The following RABEP1 variants were observed in gnomAD, a reference collection of about 807,000 sequenced individuals.
The protein encoded by RABEP1 is rabaptin, RAB GTPase binding effector protein 1.
RABEP1 carries 51 observed loss-of-function variants against 123.4 expected under a neutral mutation model. That is an observed-to-expected ratio of 0.41 (90% CI 0.33 to 0.52). The LOEUF is 0.52. RABEP1 is among the 20% of genes least tolerant of loss of function. The pLI, the probability that RABEP1 is intolerant of heterozygous loss-of-function variation, is 0.16. For missense variants in RABEP1, 888 were observed against 996.3 expected (o/e 0.89, Z 1.46); for synonymous variants, 347 against 355.2 (o/e 0.98, Z 0.26).
At chr17:5,294,244 C>T (rs1215050897) in intron 1 of RABEP1, among the ~76,000 whole-genome samples, 3 of 152,010 alleles carry the variant, frequency 2.0e-5, no homozygotes, top group South Asian at 2.1e-4. Context: ...GTCAGCTGGG[C>T]GTGGTGACAC....
chr17:5,341,933 T>G (rs1907651247), intron 5 of RABEP1, among the ~76,000 whole-genome samples: 1 of 152,220 alleles, frequency 6.6e-6, no homozygotes, highest in Admixed American at 6.5e-5. Context: ...AGGGTGAATA[T>G]TTAGCAGCCT....
chr17:5,302,529 C>T lies in RABEP1; in HGVS notation c.35-6165C>T, dbSNP rs191195952. 3.6e-3 allele frequency among the ~76,000 whole-genome samples: 548 copies of T among 151,932 alleles called. 4 individuals carry two copies. Among genetic ancestry groups the T allele is most frequent in the Non-Finnish European group, 6.0e-3 (409 of 67,942 alleles). On this transcript the variant is annotated intron_variant, in intron 1 of 17. Coordinates refer to ENST00000537505, the MANE Select transcript of RABEP1 (RefSeq NM_004703.6). ...ATGCTGGGATTACAGTCATGAGCCA[C>T]CACACCCGGCCAGCTTACCTTAGTC...
At chr17:5,293,311 A>G (rs1446947296) in intron 1 of RABEP1, among the ~76,000 whole-genome samples, 2 of 151,932 alleles carry the variant, frequency 1.3e-5, no homozygotes, top group South Asian at 2.1e-4. Context: ...AAAAATCTGT[A>G]TATCTTTCTC....
rs148871718 is a variant in RABEP1 at position 5,385,491 on chromosome 17, C to G, written c.*2268C>G. 4.3e-6 allele frequency: 1 copy of G among 230,596 alleles called. No homozygotes were observed. The highest frequency in any genetic ancestry group is 6.2e-5 in the East Asian group (1 of 16,212). 14.3% of individuals were successfully genotyped at this position (230,596 alleles called of 1,614,324 possible). On this transcript the variant is annotated 3_prime_UTR_variant, in exon 18 of 18. Transcript: ENST00000537505. Reference sequence around the variant, plus strand: ...ATATAGTAGTACCTTTCAGAACTCACATTGGCAAGTGTAAAAAGATGACTT... The same window carrying G: ...ATATAGTAGTACCTTTCAGAACTCAGATTGGCAAGTGTAAAAAGATGACTT...
chr17:5,369,574 A>G (rs968048468), intron 12 of RABEP1, among the ~76,000 whole-genome samples: 2 of 152,178 alleles, frequency 1.3e-5, no homozygotes, highest in African/African-American at 4.8e-5. Flanking sequence ...CCATAGTTTC[A>G]TGTGTTTTCT....
chr17:5,310,862 T>C (rs971343931), intron 2 of RABEP1, among the ~76,000 whole-genome samples: 6 of 151,282 alleles, frequency 4.0e-5, no homozygotes, highest in African/African-American at 1.5e-4. Context: ...CAGGCTGAAG[T>C]GCAGTGGTGT....
intron 1 of RABEP1, 138 bp from the exon 2 acceptor site, chr17:5,308,556 C>A (rs1048913655): frequency 1.4e-5 from 11 of 795,112 alleles, no homozygotes; most frequent in Non-Finnish European, 2.1e-5. Context: ...TTAGAATATC[C>A]TAGCATATGG....
intron 2 of RABEP1, among the ~76,000 whole-genome samples, chr17:5,309,700 G>T (rs1485171561): frequency 6.6e-6 from 1 of 151,646 alleles, no homozygotes; most frequent in African/African-American, 2.4e-5. Flanking sequence ...GAAAATACAT[G>T]AGAGAACATG....
intron 11 of RABEP1, among the ~76,000 whole-genome samples, chr17:5,367,702 C>CT (rs372127974): frequency 1.5e-4 from 23 of 150,486 alleles, no homozygotes; most frequent in South Asian, 4.4e-4. Flanking sequence ...GTCTGTTTGC[C>CT]TTTTTTTTGT....
In RABEP1 at chr17:5,350,490, A is replaced by G; in HGVS notation, c.824A>G (p.Gln275Arg). 6.2e-7 allele frequency: 1 copy of G among 1,614,176 alleles called. No homozygotes were observed. Among genetic ancestry groups the G allele is most frequent in the East Asian group, 2.2e-5 (1 of 44,884 alleles). ...GAGCAAGAGCGACAACAACACAACC[A>G]GTTAAAACATACGTGGCAGAAGGCC... ...LLEQERQQHN[Q>R]LKHTWQKAND... The change falls in exon 7 of 18, where the codon CAG (glutamine) becomes CGG (arginine). Residue 275 changes from glutamine to arginine, a missense_variant. Gln to Arg is a conservative substitution (Grantham distance 43). Transcript: ENST00000537505.
rs941152325 is a variant in RABEP1, at chr17:5,384,961, G to C, written c.*1738G>C. Reference sequence around the variant, plus strand: ...TTATTAAAATTAGTGCTGTAAATCAGGGTGGGCAATTCACAGCCTTTCTGA... The same window carrying C: ...TTATTAAAATTAGTGCTGTAAATCACGGTGGGCAATTCACAGCCTTTCTGA... On this transcript the variant is annotated 3_prime_UTR_variant, in exon 18 of 18. Coordinates refer to ENST00000537505, the MANE Select transcript of RABEP1 (RefSeq NM_004703.6). The C allele has an allele frequency of 4.4e-6, 1 of 227,676 alleles. No homozygotes were observed. Among genetic ancestry groups the C allele is most frequent in the Non-Finnish European group, 8.7e-6 (1 of 114,640 alleles). The allele number at this position is 227,676 out of a possible 1,614,324, so 14.1% of individuals were successfully genotyped here.
At chr17:5,332,690 C>A (rs890965717) in intron 3 of RABEP1, among the ~76,000 whole-genome samples, 2 of 148,542 alleles carry the variant, frequency 1.3e-5, no homozygotes, top group African/African-American at 5.0e-5. Flanking sequence ...CTCGCTGCAA[C>A]CTCTGCCTCC....
chr17:5,305,551 G>T (rs2075172548), intron 1 of RABEP1, among the ~76,000 whole-genome samples: 1 of 152,114 alleles, frequency 6.6e-6, no homozygotes, highest in South Asian at 2.1e-4. Flanking sequence ...TCGGTTATGT[G>T]TGCATTTTGG....
At chr17:5,339,595 C>T (rs929016624) in intron 5 of RABEP1, among the ~76,000 whole-genome samples, 8 of 151,824 alleles carry the variant, frequency 5.3e-5, no homozygotes, top group African/African-American at 1.4e-4. Flanking sequence ...GTCAGGAGTT[C>T]GAGACCAGCC....
intron 4 of RABEP1, chr17:5,336,535 G>T: frequency 2.2e-6 from 1 of 456,246 alleles, no homozygotes; most frequent in Non-Finnish European, 4.3e-6. Flanking sequence ...CTCCTTAGAT[G>T]CCTCTTGGCT....
rs758617037 is a variant in RABEP1 at position 5,336,486 on chromosome 17, A to G, written c.528+1142A>G. The G allele has an allele frequency of 1.7e-5, 8 of 471,586 alleles. No individual in the cohort carries two copies. In the East Asian group the frequency reaches 4.2e-4, roughly 25 times the overall value. 29.2% of individuals were successfully genotyped at this position (471,586 alleles called of 1,614,324 possible). On this transcript the variant is annotated intron_variant, in intron 4 of 17. Coordinates refer to ENST00000537505, the MANE Select transcript of RABEP1 (RefSeq NM_004703.6). Reference sequence around the variant, plus strand: ...CCTAATGTCCTTTTTTTTCTGTTCTAGGATCCCATCCAGGATACCATATTG... The same window carrying G: ...CCTAATGTCCTTTTTTTTCTGTTCTGGGATCCCATCCAGGATACCATATTG...
chr17:5,381,251 A>AGC, intron 16 of RABEP1, 138 bp from the exon 17 acceptor site: 1 of 1,099,344 alleles, frequency 9.1e-7, no homozygotes, highest in Non-Finnish European at 1.2e-6. Flanking sequence ...CTATAGATAA[A>AGC]GAGATTGGTC....
chr17:5,373,149 G>A (rs1188535188), intron 12 of RABEP1, among the ~76,000 whole-genome samples, 165 bp from the exon 13 acceptor site: 1 of 152,096 alleles, frequency 6.6e-6, no homozygotes, highest in Non-Finnish European at 1.5e-5. Context: ...AATATATGCT[G>A]TAAACCAGAA....
At chr17:5,297,734 T>A (rs1384331931) in intron 1 of RABEP1, among the ~76,000 whole-genome samples, 1 of 152,220 alleles carries the variant, frequency 6.6e-6, no homozygotes, top group Non-Finnish European at 1.5e-5. Flanking sequence ...GATAGTCCTA[T>A]TATTAGTCCC....
Sources: gnomAD v4.1 joint callset for allele counts (sites outside exome capture counted in the v4.1 genomes callset) on GRCh38, gnomAD v4.1.1 for gene constraint, MANE v1.5 for transcripts, NCBI Gene and HGNC (gene_info 2026-07-23, HGNC 2026-07-21) for gene names.